Variants in NFIC observed in about 807,000 individuals in gnomAD.
NFIC encodes the protein nuclear factor I C, also known as nuclear factor 1 C-type.
In NFIC, 12 loss-of-function variants were observed where a neutral mutation model predicts 54.4. The observed-to-expected ratio is 0.22, with a 90% confidence interval of 0.14 to 0.36. The LOEUF is 0.36. NFIC is among the 10% of genes least tolerant of loss of function. The pLI is 1.00. For synonymous variants in NFIC, 322 were observed against 319.2 expected, an observed-to-expected ratio of 1.01 and a Z score of -0.09; for missense variants, 575 against 718.2, an observed-to-expected ratio of 0.80 and a Z score of 2.28.
At chr19:3,408,243 G>T (rs60649443) in intron 2 of NFIC, among the ~76,000 whole-genome samples, 176 of 152,070 alleles carry the variant, frequency 1.2e-3, no homozygotes, top group Non-Finnish European at 2.0e-3. Flanking sequence ...ACAGCCCGCC[G>T]GGTTTTTAAA....
chr19:3,377,676 A>G (rs1317218689), intron 1 of NFIC, among the ~76,000 whole-genome samples: 1 of 152,048 alleles, frequency 6.6e-6, no homozygotes, highest in Non-Finnish European at 1.5e-5. Flanking sequence ...CAGTGGCACA[A>G]TCACAGCTCA....
In NFIC at chr19:3,465,590, C is replaced by T. The variant is rs2082708283; in HGVS notation, c.*2821C>T. On this transcript the variant is annotated 3_prime_UTR_variant, in exon 11 of 11. Transcript: ENST00000443272. ...CCCCTGGTGCTCAGCCTCTACCACC[C>T]CCAACCCTGCTCTTGGGTACCCAGA... 2 of 152,348 alleles carry T rather than the reference C, an allele frequency of 1.3e-5. No homozygotes were observed. The highest frequency in any genetic ancestry group is 4.1e-4 in the South Asian group (2 of 4,828). The allele number at this position is 152,348 out of a possible 1,614,324, so 9.4% of individuals were successfully genotyped here. A position where few individuals can be genotyped will look rare whatever the true frequency, so the allele number is the denominator to read the frequency against.
intron 2 of NFIC, among the ~76,000 whole-genome samples, chr19:3,405,360 T>G (rs1161899453): frequency 6.6e-6 from 1 of 152,160 alleles, no homozygotes; most frequent in Non-Finnish European, 1.5e-5. Context: ...TTGTGTTTTT[T>G]CCTCTTTTGA....
chr19:3,390,075 G>GC lies in NFIC; in HGVS notation c.562+7834dup, dbSNP rs150517328. On this transcript the variant is annotated intron_variant, in intron 2 of 10. Transcript: ENST00000443272. ...AGGGAAGGAGGGAGGTCCCAGTGCC[G>GC]CCGTGAAACCCTACACCTCCTTTTC... Among the ~76,000 whole-genome samples, 1,359 of 152,292 alleles carry GC rather than the reference G, an allele frequency of 8.9e-3. 16 individuals carry two copies. The highest frequency in any genetic ancestry group is 0.044 in the Middle Eastern group (13 of 294).
chr19:3,401,422 A>T (rs1448341132), intron 2 of NFIC, among the ~76,000 whole-genome samples: 1 of 152,164 alleles, frequency 6.6e-6, no homozygotes, highest in African/African-American at 2.4e-5. Flanking sequence ...GGCAGAATCC[A>T]GGTCAACTCC....
At chr19:3,444,964 C>T (rs528636578) in intron 6 of NFIC, among the ~76,000 whole-genome samples, 1 of 152,282 alleles carries the variant, frequency 6.6e-6, no homozygotes, top group Admixed American at 6.5e-5. Flanking sequence ...CATACACATA[C>T]ATGCATATAT....
intron 2 of NFIC, among the ~76,000 whole-genome samples, chr19:3,390,256 C>T (rs1599597359): frequency 6.6e-6 from 1 of 152,214 alleles, no homozygotes; most frequent in African/African-American, 2.4e-5. Context: ...GCCAGGTGTG[C>T]CAGCCGTCTG....
chr19:3,405,538 C>G (rs559844100), intron 2 of NFIC, among the ~76,000 whole-genome samples: 2 of 152,084 alleles, frequency 1.3e-5, no homozygotes, highest in Non-Finnish European at 2.9e-5. Flanking sequence ...AGGAAGTTCT[C>G]TATGGAGGAT....
At chr19:3,404,316 G>T (rs2081607515) in intron 2 of NFIC, among the ~76,000 whole-genome samples, 1 of 151,866 alleles carries the variant, frequency 6.6e-6, no homozygotes, top group East Asian at 1.9e-4. Context: ...ACATTGGCGG[G>T]ACCGGGAGGG....
chr19:3,377,761 G>A (rs549600526), intron 1 of NFIC, among the ~76,000 whole-genome samples: 56 of 151,874 alleles, frequency 3.7e-4, no homozygotes, highest in Non-Finnish European at 6.2e-4. Flanking sequence ...ACAGGTGTGC[G>A]CCACAGCAAC....
At chr19:3,418,075 C>T (rs2081895183) in intron 2 of NFIC, among the ~76,000 whole-genome samples, 1 of 150,736 alleles carries the variant, frequency 6.6e-6, no homozygotes, top group South Asian at 2.1e-4. Flanking sequence ...TTCAACTGAG[C>T]AACTTAAAAT....
chr19:3,452,599 A>T lies in NFIC; in HGVS notation c.1202A>T (p.Asn401Ile). 1 of 1,610,078 alleles carries T rather than the reference A, an allele frequency of 6.2e-7. No individual in the cohort carries two copies. Among genetic ancestry groups the T allele is most frequent in the Non-Finnish European group, 8.5e-7 (1 of 1,178,932 alleles). Residue 401 changes from asparagine (N) to isoleucine (I), a missense_variant, in exon 8 of 11, where the codon AAC (asparagine) becomes ATC (isoleucine). This residue lies in a region of NFIC where 447 missense variants were observed against 526.9 expected (regional missense o/e 0.85). Transcript: ENST00000443272. The surrounding 1 kb of genome is among the most constrained non-coding windows in gnomAD (Gnocchi z 5.3). ...HTAIRYPPHL[N>I]PQDPLKDLVS... The stretch of plus-strand genomic sequence containing the variant: ...GCCATCCGCTACCCACCTCATCTCA[A>T]CCCCCAGGACCCGCTCAAAGATCTT...
chr19:3,460,296 T>G (rs1225380176), intron 10 of NFIC, among the ~76,000 whole-genome samples: 4 of 152,108 alleles, frequency 2.6e-5, no homozygotes, highest in Non-Finnish European at 4.4e-5. Flanking sequence ...GCGAGGGGGT[T>G]GGCCCTGGGC....
intron 2 of NFIC, among the ~76,000 whole-genome samples, chr19:3,394,903 T>C (rs1402523873): frequency 6.6e-6 from 1 of 151,994 alleles, no homozygotes; most frequent in African/African-American, 2.4e-5. Context: ...ATCTCCCCAC[T>C]CACCCCGTCC....
chr19:3,407,607 G>T (rs1276060204), intron 2 of NFIC, among the ~76,000 whole-genome samples: 2 of 151,758 alleles, frequency 1.3e-5, no homozygotes, highest in Non-Finnish European at 2.9e-5. Context: ...GCTAATTTTT[G>T]TGTTTTTAGC....
At position 3,448,625 on chromosome 19, in the gene NFIC, G is replaced by C. The variant is rs956116401; in HGVS notation, c.959-389G>C. Among the ~76,000 whole-genome samples the C allele has an allele frequency of 4.2e-4, 64 of 152,208 alleles. 1 individual carries two copies. Among genetic ancestry groups the C allele is most frequent in the African/African-American group, 1.5e-3 (63 of 41,444 alleles). On this transcript the variant is annotated intron_variant, in intron 6 of 10. Coordinates refer to ENST00000443272, the MANE Select transcript of NFIC (RefSeq NM_001245002.2). ...TTGTCTGTGCGCCCTTAGCCAGTCA[G>C]GGTCTAACTGGACTTCGGATCTGAC...
At position 3,379,679 on chromosome 19, in the gene NFIC, T is replaced by C. The variant is rs1449201529; in HGVS notation, c.31-2033T>C. Among the ~76,000 whole-genome samples the C allele has an allele frequency of 1.0e-4, 5 of 49,644 alleles. No homozygotes were observed. The East Asian group carries it at 1.3e-3, about 12-fold the overall frequency. 32.6% of individuals were successfully genotyped at this position (49,644 alleles called of 152,430 possible). On this transcript the variant is annotated intron_variant, in intron 1 of 10. Coordinates refer to ENST00000443272, the MANE Select transcript of NFIC (RefSeq NM_001245002.2). ...CATTTTTTTTTATTTCTTTCTTTTT[T>C]TTTTTTTTTTTTTTTTTGAGTCAGG...
chr19:3,360,684 C>G (rs1364941352), intron 1 of NFIC, among the ~76,000 whole-genome samples: 1 of 152,224 alleles, frequency 6.6e-6, no homozygotes, highest in Non-Finnish European at 1.5e-5. Context: ...GCGCCGCCCG[C>G]ATTGTGCGGC....
intron 6 of NFIC, among the ~76,000 whole-genome samples, chr19:3,438,524 G>A (rs576443306): frequency 1.1e-3 from 164 of 148,050 alleles, no homozygotes; most frequent in African/African-American, 3.7e-3. Flanking sequence ...TGCAAGCTCC[G>A]CTTCCCGGGT....
Sources: gnomAD v4.1 joint callset for allele counts (sites outside exome capture counted in the v4.1 genomes callset) on GRCh38, gnomAD v4.1.1 for gene constraint, gnomAD v4.1.1 regional missense constraint, Gnocchi (gnomAD v3.1) non-coding constraint, MANE v1.5 for transcripts, NCBI Gene and HGNC (gene_info 2026-07-23, HGNC 2026-07-21) for gene names.